RBL1: variants seen among roughly 807,000 people sequenced by gnomAD.
RBL1 encodes RB transcriptional corepressor like 1.
Under a neutral mutation model 123.0 loss-of-function variants are expected in RBL1, and 82 were observed. The observed-to-expected ratio is 0.67, with a 90% CI of 0.56 to 0.80. RBL1 has a LOEUF of 0.80. RBL1 is among the 30% of genes least tolerant of loss of function. RBL1 has a pLI of 0.00. For synonymous variants in RBL1, 405 were observed against 441.3 expected, an observed-to-expected ratio of 0.92 and a Z score of 1.03; for missense variants, 1,171 against 1,299.6, an observed-to-expected ratio of 0.90 and a Z score of 1.52.
chr20:37,044,033 GTTT>G (rs200990142), intron 13 of RBL1, 50 bp downstream of exon 13: 2,267 of 906,438 alleles, frequency 2.5e-3, no homozygotes, highest in South Asian at 3.2e-3. Context: ...AATAAAGCTG[GTTT>G]TTTTTTTTTT....
At chr20:37,055,685 G>C (rs2064992580) in intron 10 of RBL1, 29 bp from the exon 11 acceptor site, 1 of 1,565,300 alleles carries the variant, frequency 6.4e-7, no homozygotes, top group African/African-American at 1.4e-5. Context: ...GAAAACATGT[G>C]TTAATGAATT....
At chr20:37,061,628 A>C (rs1008639201) in intron 8 of RBL1, among the ~76,000 whole-genome samples, 1 of 152,264 alleles carries the variant, frequency 6.6e-6, no homozygotes, top group Non-Finnish European at 1.5e-5. Flanking sequence ...ATTTTCCATT[A>C]GATCTCTTCC....
intron 21 of RBL1, among the ~76,000 whole-genome samples, chr20:37,001,918 T>TAAAAAAAAAAAAAAAAAAAAAA (rs757774894): frequency 1.2e-5 from 1 of 86,544 alleles, no homozygotes. Context: ...TGCAGAACAA[T>TAAAAAAAAAAAAAAAAAAAAAA]AAAAAAAAAA....
At chr20:37,057,004 T>TACCTAC (rs2065020656) in intron 9 of RBL1, among the ~76,000 whole-genome samples, 242 of 147,614 alleles carry the variant, frequency 1.6e-3, no homozygotes, top group East Asian at 3.9e-3. Flanking sequence ...TATCTATCTA[T>TACCTAC]CTACCTACCT....
At chr20:37,001,912 GAAC>G (rs1283852527) in intron 21 of RBL1, among the ~76,000 whole-genome samples, 3 of 34,356 alleles carry the variant, frequency 8.7e-5, no homozygotes, top group Admixed American at 3.6e-4. Context: ...GCAGGTTGCA[GAAC>G]AATAAAAAAA....
intron 9 of RBL1, among the ~76,000 whole-genome samples, chr20:37,058,686 T>C (rs966736080): frequency 3.3e-5 from 5 of 151,952 alleles, no homozygotes; most frequent in Admixed American, 1.3e-4. Flanking sequence ...ATTACAGATA[T>C]GTGCCATTGC....
At chr20:37,021,766 A>G (rs900139585) in intron 17 of RBL1, 9 of 191,452 alleles carry the variant, frequency 4.7e-5, no homozygotes, top group African/African-American at 2.1e-4. Flanking sequence ...TCTAACTGCA[A>G]CTTCATCATT....
chr20:37,006,436 G>A (rs750532611), intron 20 of RBL1, among the ~76,000 whole-genome samples: 149 of 145,604 alleles, frequency 1.0e-3, no homozygotes, highest in African/African-American at 1.7e-3. Flanking sequence ...CTGGTGATCC[G>A]CCCGCCTAGG....
At chr20:37,012,548 C>T (rs1293152623) in intron 19 of RBL1, among the ~76,000 whole-genome samples, 2 of 151,338 alleles carry the variant, frequency 1.3e-5, no homozygotes, top group African/African-American at 4.9e-5. Context: ...CGCCTCTACC[C>T]GGCCGCGACC....
chr20:37,005,776 T>C (rs1465544520), intron 20 of RBL1, among the ~76,000 whole-genome samples: 1 of 151,924 alleles, frequency 6.6e-6, no homozygotes, highest in Non-Finnish European at 1.5e-5. Context: ...TCATAGACCA[T>C]ATTCCATGAA....
intron 11 of RBL1, among the ~76,000 whole-genome samples, chr20:37,048,024 G>T (rs539853109): frequency 5.9e-5 from 9 of 151,526 alleles, no homozygotes; most frequent in African/African-American, 2.2e-4. Flanking sequence ...AACAAGTATC[G>T]CCCCAAATCA....
intron 11 of RBL1, among the ~76,000 whole-genome samples, chr20:37,050,075 A>AG (rs1555858680): frequency 5.3e-5 from 8 of 151,738 alleles, no homozygotes; most frequent in Non-Finnish European, 8.8e-5. Context: ...AAAAAAAAAA[A>AG]AGAGAGAGAG....
intron 11 of RBL1, among the ~76,000 whole-genome samples, chr20:37,054,768 T>G (rs2064976040): frequency 6.6e-6 from 1 of 151,842 alleles, no homozygotes; most frequent in Non-Finnish European, 1.5e-5. Flanking sequence ...AGATGGAGGT[T>G]GCAGTGAGCC....
rs201508263 is a variant in RBL1, at chr20:37,067,103, C to T, written c.575G>A (p.Gly192Glu). Reference sequence around the variant, plus strand: ...ATGATAAGAGTTTACTAAGTCATCCCCAATCATCCGAAAATTACCTTTATA... The same window carrying T: ...ATGATAAGAGTTTACTAAGTCATCCTCAATCATCCGAAAATTACCTTTATA... Reference protein sequence around the residue: ...VYTKGNFRMIGDDLVNSYHLL... With the variant: ...VYTKGNFRMIEDDLVNSYHLL... Residue 192 changes from glycine to glutamate, a missense_variant, in exon 5 of 22, where the codon GGG becomes GAG. By Grantham distance (98) the Gly-to-Glu change is moderately conservative. Transcript: ENST00000373664. 4 of 1,586,916 alleles carry T rather than the reference C, an allele frequency of 2.5e-6. No individual in the cohort carries two copies. The highest frequency in any genetic ancestry group is 2.6e-6 in the Non-Finnish European group (3 of 1,172,372).
At chr20:37,020,309 G>A (rs1414112925) in intron 18 of RBL1, among the ~76,000 whole-genome samples, 5 of 151,820 alleles carry the variant, frequency 3.3e-5, no homozygotes, top group Admixed American at 1.3e-4. Context: ...GGCTGGTCTC[G>A]AACTCCTGAC....
chr20:37,061,987 C>T, intron 8 of RBL1, 97 bp downstream of exon 8: 1 of 1,319,288 alleles, frequency 7.6e-7, no homozygotes, highest in Non-Finnish European at 1.0e-6. Flanking sequence ...GTAGAAGAAG[C>T]TCAAGATTTA....
chr20:37,063,083 G>GT (rs1265571982), intron 7 of RBL1, among the ~76,000 whole-genome samples: 3 of 152,192 alleles, frequency 2.0e-5, no homozygotes, highest in Admixed American at 6.5e-5. Flanking sequence ...GAGAGTGGCT[G>GT]TTTTTTGTTT....
intron 14 of RBL1, among the ~76,000 whole-genome samples, chr20:37,037,196 C>G (rs987266617): frequency 1.3e-5 from 2 of 152,166 alleles, no homozygotes; most frequent in Admixed American, 1.3e-4. Flanking sequence ...TCTGACTAGG[C>G]ATGTTTAAAG....
intron 13 of RBL1, among the ~76,000 whole-genome samples, chr20:37,042,072 CAAA>C (rs71186100): frequency 3.4e-5 from 3 of 87,042 alleles, no homozygotes; most frequent in Non-Finnish European, 6.3e-5. Context: ...GACTTTGTCT[CAAA>C]AAAAAAAAAA....
Sources: gnomAD v4.1 joint callset for allele counts (sites outside exome capture counted in the v4.1 genomes callset) on GRCh38, gnomAD v4.1.1 for gene constraint, MANE v1.5 for transcripts, NCBI Gene and HGNC (gene_info 2026-07-23, HGNC 2026-07-21) for gene names.